PGM2: variants seen among roughly 807,000 people sequenced by gnomAD.
PGM2 encodes phosphoglucomutase 2.
PGM2 carries 57 observed loss-of-function variants against 74.6 expected under a neutral mutation model. The observed-to-expected ratio is 0.76, with a 90% CI of 0.62 to 0.95. The LOEUF (loss-of-function observed/expected upper bound fraction) is 0.95, where lower values mean the gene tolerates loss of function less well. PGM2 is among the 40% of genes least tolerant of loss of function. PGM2 has a pLI of 0.00. For synonymous variants in PGM2, 273 were observed against 260.7 expected (o/e 1.05, Z -0.46); for missense variants, 706 against 741.9 (o/e 0.95, Z 0.56).
intron 13 of PGM2, among the ~76,000 whole-genome samples, chr4:37,859,935 C>T (rs1357791853): frequency 6.6e-6 from 1 of 152,114 alleles, no homozygotes; most frequent in East Asian, 1.9e-4. Context: ...GAAATATTCT[C>T]AAGCATTAAT....
At chr4:37,828,320 G>A (rs1412686144) in intron 1 of PGM2, among the ~76,000 whole-genome samples, 1 of 151,484 alleles carries the variant, frequency 6.6e-6, no homozygotes, top group Non-Finnish European at 1.5e-5. Flanking sequence ...TAGAAAAATT[G>A]TATTTCTCTG....
At chr4:37,845,878 TTC>T (rs1725857596) in intron 8 of PGM2, 148 bp downstream of exon 8, 2 of 610,412 alleles carry the variant, frequency 3.3e-6, no homozygotes, top group African/African-American at 1.9e-5. Context: ...CTGTAGAGTC[TTC>T]TAATGGAGAG....
At chr4:37,830,732 C>T (rs975868953) in intron 2 of PGM2, among the ~76,000 whole-genome samples, 4 of 152,128 alleles carry the variant, frequency 2.6e-5, no homozygotes, top group Non-Finnish European at 5.9e-5. Flanking sequence ...TATTTCTTCA[C>T]CTTAGACCTG....
chr4:37,840,564 TA>T (rs1725681715), intron 6 of PGM2, among the ~76,000 whole-genome samples: 1 of 152,098 alleles, frequency 6.6e-6, no homozygotes, highest in Non-Finnish European at 1.5e-5. Context: ...TTTGTATTTT[TA>T]GTAGAGACAA....
intron 4 of PGM2, 72 bp downstream of exon 4, chr4:37,837,685 T>C: frequency 1.1e-6 from 1 of 905,192 alleles, no homozygotes; most frequent in Non-Finnish European, 1.9e-6. Context: ...TTTTATAGTC[T>C]TTAGGGCTAT....
chr4:37,842,253 A>G (rs1401089583), intron 6 of PGM2, among the ~76,000 whole-genome samples: 2 of 150,542 alleles, frequency 1.3e-5, no homozygotes, highest in African/African-American at 4.9e-5. Context: ...GGAATTTTCT[A>G]TTGAAACTGT....
intron 12 of PGM2, among the ~76,000 whole-genome samples, chr4:37,852,714 G>A (rs546194901): frequency 6.6e-6 from 1 of 152,240 alleles, no homozygotes; most frequent in Non-Finnish European, 1.5e-5. Flanking sequence ...TGTATGTAAG[G>A]TTATTGATGC....
rs370229062 is a variant in PGM2 at position 37,834,671 on chromosome 4, C to G, written c.303C>G (p.Ile101Met). 32 of 1,603,250 alleles carry G rather than the reference C, an allele frequency of 2.0e-5. No homozygotes were observed. Among genetic ancestry groups the G allele is most frequent in the Non-Finnish European group, 2.6e-5 (31 of 1,171,834 alleles). The change falls in exon 3 of 14, where the codon ATC becomes ATG. Residue 101 changes from isoleucine to methionine, a missense_variant. Physicochemically the swap from Ile to Met is conservative, Grantham distance 10. Around this residue, in one of 3 missense-constraint regions of PGM2, gnomAD observed 332 missense variants for 334.9 expected, o/e 0.99. Transcript: ENST00000381967. ...KQFSDLKQKG[I>M]VISFDARAHP... Reference sequence around the variant, plus strand: ...TCAGTGACTTAAAGCAGAAAGGCATCGTGATCAGTTTTGACGCCCGAGCTC... The same window carrying G: ...TCAGTGACTTAAAGCAGAAAGGCATGGTGATCAGTTTTGACGCCCGAGCTC...
intron 6 of PGM2, among the ~76,000 whole-genome samples, chr4:37,841,668 C>T (rs1449210983): frequency 6.6e-6 from 1 of 152,172 alleles, no homozygotes; most frequent in Non-Finnish European, 1.5e-5. Context: ...ACGTGTTGGA[C>T]CATTTTTTCC....
intron 2 of PGM2, among the ~76,000 whole-genome samples, chr4:37,830,356 T>A (rs1287732496): frequency 6.6e-6 from 1 of 152,190 alleles, no homozygotes; most frequent in Non-Finnish European, 1.5e-5. Flanking sequence ...TTTAACACAC[T>A]TATTGAGTAC....
chr4:37,848,796 A>G, intron 11 of PGM2, 145 bp downstream of exon 11: 2 of 662,324 alleles, frequency 3.0e-6, no homozygotes, highest in Non-Finnish European at 4.9e-6. Flanking sequence ...AAGGCTGGGC[A>G]CAGTGGCTCA....
chr4:37,856,111 T>C (rs971246016), intron 13 of PGM2, among the ~76,000 whole-genome samples: 1 of 151,862 alleles, frequency 6.6e-6, no homozygotes, highest in Non-Finnish European at 1.5e-5. Context: ...CCGGGCCGGG[T>C]GCGGTGGCTT....
At chr4:37,836,501 A>G (rs982774490) in intron 3 of PGM2, among the ~76,000 whole-genome samples, 5 of 152,238 alleles carry the variant, frequency 3.3e-5, no homozygotes, top group Admixed American at 6.5e-5. Flanking sequence ...ACTGTTAAGT[A>G]TATGCAGAGA....
intron 10 of PGM2, 77 bp from the exon 11 acceptor site, chr4:37,848,445 G>A: frequency 4.0e-6 from 5 of 1,264,784 alleles, no homozygotes; most frequent in Non-Finnish European, 5.6e-6. Flanking sequence ...CCTCTAATAT[G>A]CAATAGCCAG....
At position 37,847,028 on chromosome 4, in the gene PGM2, C is replaced by T. The variant is rs762179521; in HGVS notation, c.1105C>T (p.Leu369Phe). 1 of 1,613,426 alleles carries T rather than the reference C, an allele frequency of 6.2e-7. No homozygotes were observed. Among genetic ancestry groups the T allele is most frequent in the East Asian group, 2.2e-5 (1 of 44,894 alleles). The change falls in exon 9 of 14, where the codon CTC (leucine) becomes TTC (phenylalanine). Residue 369 changes from leucine to phenylalanine, a missense_variant. Coordinates refer to ENST00000381967, the MANE Select transcript of PGM2 (RefSeq NM_018290.4). ...AGAGAAGAACCAGGATCGCAGTGCT[C>T]TCAAAGACACGTACATGTTGTCCAG... ...WKEKNQDRSA[L>F]KDTYMLSSTV...
chr4:37,858,364 T>G (rs1711624281), intron 13 of PGM2, among the ~76,000 whole-genome samples: 1 of 151,812 alleles, frequency 6.6e-6, no homozygotes, highest in African/African-American at 2.4e-5. Context: ...TTTTAAGACA[T>G]CTCTCTCTGT....
At chr4:37,841,168 G>GTA (rs1264586553) in intron 6 of PGM2, among the ~76,000 whole-genome samples, 1 of 126,096 alleles carries the variant, frequency 7.9e-6, no homozygotes, top group African/African-American at 3.9e-5. Context: ...TTGTGTGTGT[G>GTA]TGTGTGTGTG....
chr4:37,845,859 C>T, intron 8 of PGM2, 129 bp downstream of exon 8: 2 of 652,024 alleles, frequency 3.1e-6, no homozygotes, highest in South Asian at 3.5e-5. Context: ...GATCATTTCA[C>T]TGAACCTCCT....
rs1454427007 is a variant in PGM2 at position 37,837,408 on chromosome 4, G to A, written c.357-121G>A. 7 of 742,508 alleles carry A rather than the reference G, an allele frequency of 9.4e-6. No individual in the cohort carries two copies. The African/African-American group carries it at 1.2e-4, about 13-fold the overall frequency. The allele number at this position is 742,508 out of a possible 1,614,324, so 46.0% of individuals were successfully genotyped here. A position where few individuals can be genotyped will look rare whatever the true frequency, so the allele number is the denominator to read the frequency against. On this transcript the variant is annotated intron_variant, in intron 3 of 13. Coordinates refer to ENST00000381967, the MANE Select transcript of PGM2 (RefSeq NM_018290.4). ...CAGGGTAAAGATTATAATAAATGCT[G>A]TCCTTGATCTGGATGCTGCATTCAC...
Sources: allele counts gnomAD v4.1 joint callset (sites outside exome capture counted in the v4.1 genomes callset), GRCh38; gene constraint gnomAD v4.1.1; regional missense constraint gnomAD v4.1.1; transcripts MANE v1.5; gene names NCBI Gene and HGNC (gene_info 2026-07-23, HGNC 2026-07-21).